The following AFAP1L2 variants were observed in gnomAD, a reference collection of about 807,000 sequenced individuals.
AFAP1L2 encodes actin filament associated protein 1 like 2, also known as actin filament-associated protein 1-like 2.
In AFAP1L2, 46 loss-of-function variants were observed where a neutral mutation model predicts 99.3. That is an observed-to-expected ratio of 0.46 (90% CI 0.37 to 0.59). The LOEUF is 0.59. Ranked by LOEUF, AFAP1L2 falls within the 20% of genes least tolerant of loss-of-function variation. AFAP1L2 has a pLI of 0.00. For synonymous variants in AFAP1L2, 397 were observed against 419.1 expected, an observed-to-expected ratio of 0.95 and a Z score of 0.64; for missense variants, 959 against 1,034.9, an observed-to-expected ratio of 0.93 and a Z score of 1.01.
chr10:114,383,429 C>T (rs916298557), intron 1 of AFAP1L2, among the ~76,000 whole-genome samples: 12 of 151,888 alleles, frequency 7.9e-5, no homozygotes, highest in African/African-American at 1.2e-4. Flanking sequence ...TTTTTATTAT[C>T]GCAGAGAGGA....
At chr10:114,346,999 T>G (rs139343999) in intron 1 of AFAP1L2, among the ~76,000 whole-genome samples, 1 of 152,238 alleles carries the variant, frequency 6.6e-6, no homozygotes, top group Non-Finnish European at 1.5e-5. Context: ...TTCCCTGCTG[T>G]TCTATGCACA....
intron 4 of AFAP1L2, among the ~76,000 whole-genome samples, chr10:114,327,139 A>ATATATATT (rs1247217685): frequency 2.2e-5 from 1 of 45,442 alleles, no homozygotes; most frequent in Non-Finnish European, 4.6e-5. Context: ...CGTGAATTTT[A>ATATATATT]TATATATTTA....
chr10:114,377,780 G>A lies in AFAP1L2; in HGVS notation c.16+26660C>T, dbSNP rs1043718243. Among the ~76,000 whole-genome samples, 1 of 152,210 alleles carries A rather than the reference G, an allele frequency of 6.6e-6. No homozygotes were observed. Among genetic ancestry groups the A allele is most frequent in the African/African-American group, 2.4e-5 (1 of 41,452 alleles). On this transcript the variant is annotated intron_variant, in intron 1 of 18. Coordinates refer to ENST00000304129, the MANE Select transcript of AFAP1L2 (RefSeq NM_001001936.3). The surrounding 1 kb of genome is among the most constrained non-coding windows in gnomAD (Gnocchi z 4.0). The stretch of plus-strand genomic sequence containing the variant: ...CCAAGTGCTGAGAAACACAGAGGAA[G>A]GAGGACCTGTTGGCCTGAGAGGCTT...
In AFAP1L2 at chr10:114,295,861, T is replaced by G; in HGVS notation, c.*181A>C. 6.9e-7 allele frequency: 1 copy of G among 1,447,948 alleles called. No homozygotes were observed. Among genetic ancestry groups the G allele is most frequent in the Non-Finnish European group, 9.1e-7 (1 of 1,102,258 alleles). 89.7% of individuals were successfully genotyped at this position (1,447,948 alleles called of 1,614,324 possible). On this transcript the variant is annotated 3_prime_UTR_variant, in exon 19 of 19. Transcript: ENST00000304129. ...AAGAAGCCTCCTTTTTGTTGTATTA[T>G]TTCCTTTGGCTCTGAAAAGGGACAG...
At chr10:114,344,257 CA>C (rs774879986) in intron 1 of AFAP1L2, among the ~76,000 whole-genome samples, 7 of 152,106 alleles carry the variant, frequency 4.6e-5, no homozygotes, top group Non-Finnish European at 1.0e-4. Context: ...CCCAGGAACT[CA>C]AAAGCAGTGA....
chr10:114,333,364 T>G, intron 2 of AFAP1L2, 69 bp from the exon 3 acceptor site: 1 of 1,275,580 alleles, frequency 7.8e-7, no homozygotes, highest in Admixed American at 1.7e-5. Flanking sequence ...CTAGAAACCC[T>G]GTTACTCCAG....
chr10:114,394,943 T>C (rs2057535397), intron 1 of AFAP1L2, among the ~76,000 whole-genome samples: 3 of 152,016 alleles, frequency 2.0e-5, no homozygotes, highest in African/African-American at 7.3e-5. Flanking sequence ...GTCACAGCCA[T>C]ACAGAAACCG....
At chr10:114,301,615 A>G (rs1056673632) in intron 12 of AFAP1L2, 150 bp from the exon 13 acceptor site, 5 of 614,396 alleles carry the variant, frequency 8.1e-6, no homozygotes, top group East Asian at 2.7e-5. Context: ...CATGGATCTG[A>G]GGGCACCTCC....
At chr10:114,289,039 G>A in the AFAP1L2 span, 1 of 1,614,190 alleles carries the variant, frequency 6.2e-7, no homozygotes, top group Non-Finnish European at 8.5e-7. Flanking sequence ...GAGAAGCTGT[G>A]CCCTCCAGTT....
intron 2 of AFAP1L2, among the ~76,000 whole-genome samples, chr10:114,338,647 T>A (rs1469284333): frequency 2.0e-5 from 3 of 152,134 alleles, no homozygotes; most frequent in Non-Finnish European, 4.4e-5. Context: ...CATGGATGAA[T>A]CTCCAGAGAA....
chr10:114,313,793 C>T (rs2134664132), intron 7 of AFAP1L2, 78 bp downstream of exon 7: 1 of 1,422,912 alleles, frequency 7.0e-7, no homozygotes, highest in Non-Finnish European at 9.4e-7. Context: ...CTACCCCTGA[C>T]CCTATCATCC....
intron 1 of AFAP1L2, among the ~76,000 whole-genome samples, chr10:114,346,970 A>G (rs1394814981): frequency 6.6e-6 from 1 of 152,210 alleles, no homozygotes; most frequent in Non-Finnish European, 1.5e-5. Flanking sequence ...AACATGCCGA[A>G]AAAGCCACTC....
chr10:114,394,397 G>A (rs182053841), intron 1 of AFAP1L2, among the ~76,000 whole-genome samples: 3 of 152,116 alleles, frequency 2.0e-5, no homozygotes, highest in Non-Finnish European at 4.4e-5. Context: ...TTCAAGCCAC[G>A]GCTATTTGAA....
At chr10:114,349,383 CAAA>C (rs113553514) in intron 1 of AFAP1L2, among the ~76,000 whole-genome samples, 950 of 86,194 alleles carry the variant, frequency 0.011, 7 homozygotes, top group African/African-American at 0.04. Context: ...AACTCGGTCT[CAAA>C]AAAAAAAAAA....
At chr10:114,289,992 C>CAA (rs35165936), downstream of AFAP1L2, 59 of 212,908 alleles carry the variant, frequency 2.8e-4, no homozygotes, top group Middle Eastern at 1.5e-3. Context: ...GATTCTGCCT[C>CAA]AAAAAAAAAA....
intron 1 of AFAP1L2, among the ~76,000 whole-genome samples, chr10:114,360,468 C>T (rs1268633745): frequency 7.5e-6 from 1 of 133,696 alleles, no homozygotes; most frequent in African/African-American, 2.7e-5. Context: ...TAGATAGATA[C>T]CTCGATATCT....
chr10:114,346,421 G>A (rs1271961317), intron 1 of AFAP1L2, among the ~76,000 whole-genome samples: 2 of 152,310 alleles, frequency 1.3e-5, no homozygotes, highest in Non-Finnish European at 2.9e-5. Flanking sequence ...AAGCACACAG[G>A]AGGCCATAGG....
At chr10:114,358,179 C>G (rs779157159) in intron 1 of AFAP1L2, among the ~76,000 whole-genome samples, 1 of 152,104 alleles carries the variant, frequency 6.6e-6, no homozygotes, top group African/African-American at 2.4e-5. Context: ...CCTCTAAATT[C>G]GGCAACAAGG....
chr10:114,296,344 T>A (rs1267460523), intron 18 of AFAP1L2: 2 of 473,454 alleles, frequency 4.2e-6, no homozygotes, highest in Non-Finnish European at 7.6e-6. Flanking sequence ...TGGTTAGCCA[T>A]TGTTGTGGGA....
Sources: gnomAD v4.1 joint callset for allele counts (sites outside exome capture counted in the v4.1 genomes callset) on GRCh38, gnomAD v4.1.1 for gene constraint, Gnocchi (gnomAD v3.1) non-coding constraint, MANE v1.5 for transcripts, NCBI Gene and HGNC (gene_info 2026-07-23, HGNC 2026-07-21) for gene names.